STARD8: variants seen among roughly 807,000 people sequenced by gnomAD.
The protein encoded by STARD8 is stAR-related lipid transfer protein 8.
Under a neutral mutation model 69.4 loss-of-function variants are expected in STARD8, and 25 were observed. The ratio of observed to expected loss-of-function variants is 0.36; its 90% CI spans 0.26 to 0.50. STARD8 has a LOEUF of 0.50. STARD8 is among the 20% of genes least tolerant of loss of function. STARD8 has a pLI of 0.96. For synonymous variants in STARD8, 389 were observed against 374.6 expected, an observed-to-expected ratio of 1.04 and a Z score of -0.45; for missense variants, 921 against 932.5, an observed-to-expected ratio of 0.99 and a Z score of 0.16.
In STARD8 at chrX:68,688,303, G is replaced by A. The variant is rs569974121; in HGVS notation, c.79+22771G>A. On this transcript the variant is annotated intron_variant, in intron 2 of 14. Transcript: ENST00000374599. ...GCCCTTCAAGGTCAGGAGACAGGGG[G>A]GTGGTTGGCCAGGGACAGGCTCAGC... Among the ~76,000 whole-genome samples the A allele has an allele frequency of 3.6e-5, 4 of 111,302 alleles. No homozygotes were observed. In the Admixed American group the frequency reaches 3.8e-4, roughly 11 times the overall value.
intron 1 of STARD8, among the ~76,000 whole-genome samples, chrX:68,664,759 TA>T (rs968580819): frequency 6.2e-5 from 7 of 112,440 alleles, no homozygotes; most frequent in African/African-American, 1.9e-4. Flanking sequence ...CTCTTCCTAC[TA>T]AGAGTTCAGC....
chrX:68,653,299 ACACACACCACAC>A (rs1242648241), intron 1 of STARD8, among the ~76,000 whole-genome samples: 14 of 40,889 alleles, frequency 3.4e-4, no homozygotes, highest in African/African-American at 1.2e-3. Context: ...CACACACCAC[ACACACACCACAC>A]CACACACCAC....
intron 2 of STARD8, among the ~76,000 whole-genome samples, chrX:68,697,486 C>G (rs1288586499): frequency 3.6e-5 from 4 of 112,370 alleles, no homozygotes; most frequent in Non-Finnish European, 5.6e-5. Flanking sequence ...CACTCTCACA[C>G]TTGCTTCCCC....
At chrX:68,684,513 C>A (rs12353669) in intron 2 of STARD8, among the ~76,000 whole-genome samples, 2 of 112,906 alleles carry the variant, frequency 1.8e-5, no homozygotes, top group Non-Finnish European at 3.7e-5. Context: ...AAGGGAAACT[C>A]CTCTGCTTGG....
intron 1 of STARD8, among the ~76,000 whole-genome samples, chrX:68,657,336 A>G (rs1371434601): frequency 6.3e-5 from 7 of 111,801 alleles, no homozygotes; most frequent in Admixed American, 5.7e-4. Context: ...TAAGTAATTC[A>G]TTCTTTCACT....
chrX:68,675,073 C>G (rs959812497), intron 2 of STARD8, among the ~76,000 whole-genome samples: 7 of 109,432 alleles, frequency 6.4e-5, no homozygotes, highest in African/African-American at 2.3e-4. Context: ...TCTCCTGCCT[C>G]AGCCTCCCCG....
intron 3 of STARD8, among the ~76,000 whole-genome samples, chrX:68,715,029 G>A (rs779373087): frequency 3.6e-5 from 4 of 111,808 alleles, no homozygotes. Flanking sequence ...GCAGCCACCC[G>A]GGGTCTTGGG....
chrX:68,722,333 C>A, intron 11 of STARD8, 89 bp from the exon 12 acceptor site: 1 of 912,748 alleles, frequency 1.1e-6, no homozygotes, highest in African/African-American at 2.0e-5. Flanking sequence ...GTAGCTGCAC[C>A]TCTCCACTGC....
Position 68,661,386 on chromosome X carries a change from A to T in STARD8, c.46-4113A>T, listed in dbSNP as rs1026658246. Among the ~76,000 whole-genome samples, 13 of 111,858 alleles carry T rather than the reference A, an allele frequency of 1.2e-4. No individual in the cohort carries two copies. In the South Asian group the frequency reaches 4.8e-3, roughly 42 times the overall value. ...TGGCTTTCGCATTTGCACTCTTTCA[A>T]CGTGTTTCCCTTTTCTCTGAAAAAA... On this transcript the variant is annotated intron_variant, in intron 1 of 14. Coordinates refer to ENST00000374599, the MANE Select transcript of STARD8 (RefSeq NM_001142503.3).
In STARD8 at chrX:68,720,318, C is replaced by A. The variant is rs765852715; in HGVS notation, c.1944C>A (p.His648Gln). 8.3e-7 allele frequency: 1 copy of A among 1,208,348 alleles called. No individual in the cohort carries two copies. Among genetic ancestry groups the A allele is most frequent in the Admixed American group, 2.2e-5 (1 of 45,766 alleles). ...AGACCCCAGATTACCGGGGACAGCACGTATTTGGGGTGCCACCCCTCATCC... is the reference window on the plus strand; with the variant it reads ...AGACCCCAGATTACCGGGGACAGCAAGTATTTGGGGTGCCACCCCTCATCC... ...RNKTPDYRGQHVFGVPPLIHV... is the reference protein window; with the variant it reads ...RNKTPDYRGQQVFGVPPLIHV... Residue 648 changes from histidine to glutamine, a missense_variant, in exon 8 of 15, where the codon CAC (histidine) becomes CAA (glutamine). Physicochemically the swap from His to Gln is conservative, Grantham distance 24. Transcript: ENST00000374599.
At chrX:68,690,165 C>G (rs1223996153) in intron 2 of STARD8, among the ~76,000 whole-genome samples, 1 of 110,213 alleles carries the variant, frequency 9.1e-6, no homozygotes. Flanking sequence ...GTACAAGTGT[C>G]AGAGCCTGTG....
rs773168805 is a variant in STARD8, at chrX:68,717,733, T to C, written c.819T>C (p.Asn273=). The C allele has an allele frequency of 6.6e-6, 8 of 1,212,030 alleles. No individual in the cohort carries two copies. The highest frequency in any genetic ancestry group is 8.9e-6 in the Non-Finnish European group (8 of 895,561). The change falls in exon 6 of 15, where the codon AAT becomes AAC. Residue 273 remains asparagine (N), a synonymous_variant. Coordinates refer to ENST00000374599, the MANE Select transcript of STARD8 (RefSeq NM_001142503.3). The stretch of plus-strand genomic sequence containing the variant: ...CCTCAGCCGGTGGCAGTGGTGCCAA[T>C]ACTCGGAAGGCCTGGGAGGCCTGGC... ...AATSAGGSGA[N]TRKAWEAWPV...
chrX:68,704,158 A>G (rs996503526), intron 2 of STARD8, among the ~76,000 whole-genome samples: 9 of 111,976 alleles, frequency 8.0e-5, no homozygotes, highest in African/African-American at 2.9e-4. Context: ...AATGGGGGAT[A>G]GACTCACATG....
Position 68,705,198 on chromosome X carries a change from G to A in STARD8, c.80-7716G>A, listed in dbSNP as rs974430252. On this transcript the variant is annotated intron_variant, in intron 2 of 14. Transcript: ENST00000374599. ...TGGAGCAACTGCAGCAGAGCAGGTGGCAGCTTTGACCTTCCTTGTCATAGG... is the reference window on the plus strand; with the variant it reads ...TGGAGCAACTGCAGCAGAGCAGGTGACAGCTTTGACCTTCCTTGTCATAGG... Among the ~76,000 whole-genome samples the A allele has an allele frequency of 2.7e-5, 3 of 112,482 alleles. No homozygotes were observed. The East Asian group carries it at 8.4e-4, about 32-fold the overall frequency.
At position 68,719,353 on chromosome X, in the gene STARD8, C is replaced by T. The variant is rs200300866; in HGVS notation, c.1844C>T (p.Ala615Val). Reference protein sequence around the residue: ...LHKGSLLRLTAFMEKYTVPHK... With the variant: ...LHKGSLLRLTVFMEKYTVPHK... ...AAGGGCTCACTGCTGCGGCTTACCG[C>T]GTTCATGGAGAAGTACACTGTGCCC... The change falls in exon 7 of 15, where the codon GCG becomes GTG. Residue 615 changes from alanine to valine, a missense_variant. Physicochemically the swap from Ala to Val is moderately conservative, Grantham distance 64. Transcript: ENST00000374599. The T allele has an allele frequency of 8.2e-5, 98 of 1,201,813 alleles. No homozygotes were observed. Among genetic ancestry groups the T allele is most frequent in the Admixed American group, 1.1e-4 (5 of 44,958 alleles).
At chrX:68,668,286 T>TTCTTTC (rs2079705360) in intron 2 of STARD8, among the ~76,000 whole-genome samples, 1 of 91,550 alleles carries the variant, frequency 1.1e-5, no homozygotes, top group African/African-American at 4.9e-5. Context: ...CTTTCTTTCT[T>TTCTTTC]TCTTTCTTTC....
rs1025375883 is a variant in STARD8 at position 68,693,713 on chromosome X, G to A, written c.80-19201G>A. 10 of 753,798 alleles carry A rather than the reference G, an allele frequency of 1.3e-5. No homozygotes were observed. The African/African-American group carries it at 2.3e-4, about 17-fold the overall frequency. 62.1% of individuals were successfully genotyped at this position (753,798 alleles called of 1,213,427 possible). Reference sequence around the variant, plus strand: ...TCTTCTGGCTGGCACCGTCACCCCTGCCCGACCCCAGGCCCCGCGTGTGTC... The same window carrying A: ...TCTTCTGGCTGGCACCGTCACCCCTACCCGACCCCAGGCCCCGCGTGTGTC... On this transcript the variant is annotated intron_variant, in intron 2 of 14. Coordinates refer to ENST00000374599, the MANE Select transcript of STARD8 (RefSeq NM_001142503.3).
intron 1 of STARD8, among the ~76,000 whole-genome samples, chrX:68,650,712 G>A (rs1317329850): frequency 3.6e-5 from 4 of 110,260 alleles, no homozygotes; most frequent in African/African-American, 9.9e-5. Flanking sequence ...GCTGAGGCAG[G>A]AGGATGGCTG....
chrX:68,679,686 G>A (rs1324545927), intron 2 of STARD8, among the ~76,000 whole-genome samples: 4 of 112,202 alleles, frequency 3.6e-5, no homozygotes, highest in African/African-American at 6.5e-5. Flanking sequence ...ATGAGACAAA[G>A]CCCTATCCAC....
Sources: allele counts gnomAD v4.1 joint callset (sites outside exome capture counted in the v4.1 genomes callset), GRCh38; gene constraint gnomAD v4.1.1; transcripts MANE v1.5; gene names NCBI Gene and HGNC (gene_info 2026-07-23, HGNC 2026-07-21).